The following PTPRM variants were observed in gnomAD, a reference collection of about 807,000 sequenced individuals.
PTPRM encodes protein tyrosine phosphatase receptor type M.
Under a neutral mutation model 186.7 loss-of-function variants are expected in PTPRM, and 47 were observed. That is an observed-to-expected ratio of 0.25 (90% CI 0.20 to 0.32). PTPRM has a LOEUF of 0.32. Ranked by LOEUF, PTPRM falls within the 10% of genes least tolerant of loss-of-function variation. The pLI, the probability that PTPRM is intolerant of heterozygous loss-of-function variation, is 1.00. For missense variants in PTPRM, 1,494 were observed against 1,865.0 expected (o/e 0.80, Z 3.66); for synonymous variants, 668 against 674.9 (o/e 0.99, Z 0.16).
intron 7 of PTPRM, among the ~76,000 whole-genome samples, chr18:8,023,697 C>T (rs1264446014): frequency 2.6e-5 from 4 of 152,108 alleles, no homozygotes; most frequent in South Asian, 2.1e-4. Context: ...GAGAGCTCAT[C>T]ATTTTCAAGC....
chr18:8,139,361 G>A (rs1450592188), intron 13 of PTPRM, among the ~76,000 whole-genome samples: 3 of 152,164 alleles, frequency 2.0e-5, no homozygotes, highest in African/African-American at 7.2e-5. Context: ...CACCTGCACT[G>A]CTACCTTCTC....
intron 8 of PTPRM, among the ~76,000 whole-genome samples, chr18:8,075,443 T>A (rs1417294298): frequency 6.6e-6 from 1 of 152,116 alleles, no homozygotes; most frequent in Non-Finnish European, 1.5e-5. Flanking sequence ...CCCCAAAATA[T>A]ATGCATATTT....
At chr18:7,881,872 C>T (rs1297665586) in intron 2 of PTPRM, among the ~76,000 whole-genome samples, 1 of 152,168 alleles carries the variant, frequency 6.6e-6, no homozygotes, top group African/African-American at 2.4e-5. Context: ...TTGCTTCCCA[C>T]TTTCCCTCTT....
intron 1 of PTPRM, among the ~76,000 whole-genome samples, chr18:7,729,787 A>G (rs558062287): frequency 2.6e-5 from 4 of 152,326 alleles, no homozygotes; most frequent in Non-Finnish European, 5.9e-5. Context: ...GAAGGATTAA[A>G]AAAAACTAAT....
intron 7 of PTPRM, among the ~76,000 whole-genome samples, chr18:8,013,230 C>T (rs948532041): frequency 6.6e-6 from 1 of 152,058 alleles, no homozygotes; most frequent in African/African-American, 2.4e-5. Flanking sequence ...CAAATTGGTT[C>T]AGAAAATATT....
At chr18:7,727,128 C>A (rs1035328188) in intron 1 of PTPRM, among the ~76,000 whole-genome samples, 8 of 151,798 alleles carry the variant, frequency 5.3e-5, no homozygotes, top group Non-Finnish European at 8.8e-5. Flanking sequence ...TAATGACTTC[C>A]CTGTCACCAA....
At position 7,802,021 on chromosome 18, in the gene PTPRM, T is replaced by A. The variant is rs1471121400; in HGVS notation, c.196+27750T>A. Among the ~76,000 whole-genome samples the A allele has an allele frequency of 3.9e-5, 6 of 152,220 alleles. No individual in the cohort carries two copies. In the South Asian group the frequency reaches 6.2e-4, roughly 16 times the overall value. ...ATATTGGAGAGTATAGTGGAGAAAG[T>A]ACATTTAGAAATATCCTATGTCCTT... On this transcript the variant is annotated intron_variant, in intron 2 of 32. Coordinates refer to ENST00000580170, the MANE Select transcript of PTPRM (RefSeq NM_001105244.2).
intron 7 of PTPRM, among the ~76,000 whole-genome samples, chr18:7,955,621 GC>G (rs908675103): frequency 3.9e-5 from 6 of 152,038 alleles, no homozygotes; most frequent in African/African-American, 1.4e-4. Flanking sequence ...TTCTCAGCCT[GC>G]CCCCACCCTT....
chr18:7,777,423 C>G (rs1172995278), intron 2 of PTPRM, among the ~76,000 whole-genome samples: 1 of 152,170 alleles, frequency 6.6e-6, no homozygotes, highest in Non-Finnish European at 1.5e-5. Context: ...CAGCCATGCC[C>G]ATTTGTTTAA....
chr18:7,735,182 T>C (rs1282359673), intron 1 of PTPRM, among the ~76,000 whole-genome samples: 2 of 152,184 alleles, frequency 1.3e-5, no homozygotes, highest in Non-Finnish European at 2.9e-5. Flanking sequence ...TTTGAGAGGC[T>C]GAGGCAGGCA....
chr18:7,804,003 ACT>A (rs1233198059), intron 2 of PTPRM, among the ~76,000 whole-genome samples: 2 of 152,056 alleles, frequency 1.3e-5, no homozygotes, highest in Non-Finnish European at 2.9e-5. Context: ...TTGGATGAAG[ACT>A]CTTTCATCTG....
chr18:7,840,938 A>C (rs2046290996), intron 2 of PTPRM, among the ~76,000 whole-genome samples: 1 of 152,206 alleles, frequency 6.6e-6, no homozygotes, highest in Non-Finnish European at 1.5e-5. Flanking sequence ...TGTGTGTTCC[A>C]AATTGACCTG....
At chr18:7,773,234 C>G (rs966785631) in intron 1 of PTPRM, among the ~76,000 whole-genome samples, 37 of 151,930 alleles carry the variant, frequency 2.4e-4, no homozygotes, top group African/African-American at 8.7e-4. Context: ...TTTATCATCT[C>G]TTTTGATTTT....
At chr18:8,361,333 AG>A (rs1234122285) in intron 23 of PTPRM, among the ~76,000 whole-genome samples, 1 of 152,142 alleles carries the variant, frequency 6.6e-6, no homozygotes, top group Non-Finnish European at 1.5e-5. Flanking sequence ...CAATAAATGG[AG>A]CACCCGGAGC....
intron 14 of PTPRM, among the ~76,000 whole-genome samples, chr18:8,147,149 T>C (rs766630017): frequency 2.0e-5 from 3 of 152,202 alleles, no homozygotes; most frequent in Non-Finnish European, 4.4e-5. Context: ...TTTGGTTCCA[T>C]ATGAAGTTAA....
intron 1 of PTPRM, among the ~76,000 whole-genome samples, chr18:7,704,631 A>T (rs2040037918): frequency 6.6e-6 from 1 of 152,084 alleles, no homozygotes. Context: ...TGAAGTGCAA[A>T]GAGAAAATAA....
In PTPRM at chr18:7,830,551, G is replaced by A. The variant is rs75741993; in HGVS notation, c.196+56280G>A. On this transcript the variant is annotated intron_variant, in intron 2 of 32. Coordinates refer to ENST00000580170, the MANE Select transcript of PTPRM (RefSeq NM_001105244.2). ...TCATATATATGGTCTGTCACATGCA[G>A]TCTGCTGTTGACAGGAAAGTCGTTA... 1.3e-3 allele frequency among the ~76,000 whole-genome samples: 201 copies of A among 152,250 alleles called. 3 individuals carry two copies. In the East Asian group the frequency reaches 0.035, roughly 26 times the overall value.
Position 8,383,383 on chromosome 18 carries a change from G to A in PTPRM, c.3919-1178G>A, listed in dbSNP as rs76110506. ...AGGAATAAGAAGTCCCAAAGGAAGA[G>A]TAATTTCAAACTTTAAATGCCTGTT... On this transcript the variant is annotated intron_variant, in intron 29 of 32. Coordinates refer to ENST00000580170, the MANE Select transcript of PTPRM (RefSeq NM_001105244.2). Among the ~76,000 whole-genome samples the A allele has an allele frequency of 6.6e-3, 933 of 142,232 alleles. 5 individuals are homozygous for A. Among genetic ancestry groups the A allele is most frequent in the Non-Finnish European group, 0.011 (717 of 65,726 alleles). 93.3% of individuals were successfully genotyped at this position (142,232 alleles called of 152,430 possible).
At chr18:7,838,773 C>T (rs1170081242) in intron 2 of PTPRM, among the ~76,000 whole-genome samples, 1 of 152,214 alleles carries the variant, frequency 6.6e-6, no homozygotes, top group Non-Finnish European at 1.5e-5. Context: ...CCCCTAGGCC[C>T]AGGTAGGGCC....
Sources: allele counts gnomAD v4.1 joint callset (sites outside exome capture counted in the v4.1 genomes callset), GRCh38; gene constraint gnomAD v4.1.1; transcripts MANE v1.5; gene names NCBI Gene and HGNC (gene_info 2026-07-23, HGNC 2026-07-21).